Variants in RNF182 observed in about 807,000 individuals in gnomAD.
The protein encoded by RNF182 is ring finger protein 182.
Under a neutral mutation model 14.4 loss-of-function variants are expected in RNF182, and 15 were observed. The ratio of observed to expected loss-of-function variants is 1.04; its 90% CI spans 0.70 to 1.60. The LOEUF is 1.60. RNF182 is among the 40% of genes most tolerant of loss of function. The probability of loss-of-function intolerance (pLI) is 0.00; values close to 1 mark genes in which losing one functional copy is unlikely to be tolerated. For missense variants in RNF182, 268 were observed against 294.8 expected (o/e 0.91, Z 0.67); for synonymous variants, 128 against 122.9 (o/e 1.04, Z -0.27).
intron 1 of RNF182, among the ~76,000 whole-genome samples, chr6:13,964,187 G>T (rs189819384): frequency 2.0e-3 from 297 of 152,188 alleles, no homozygotes; most frequent in African/African-American, 6.1e-3. Context: ...ATAGCCAAAG[G>T]CAAAGGAAAA....
rs114305408 is a variant in RNF182, at chr6:13,956,096, T to C, written c.-366-18114T>C. 1.4e-3 allele frequency among the ~76,000 whole-genome samples: 219 copies of C among 152,330 alleles called. 1 individual carries two copies. The highest frequency in any genetic ancestry group is 5.0e-3 in the African/African-American group (209 of 41,570). On this transcript the variant is annotated intron_variant, in intron 1 of 2. Coordinates refer to ENST00000488300, the MANE Select transcript of RNF182 (RefSeq NM_152737.4). ...CTTCACATAATGTCGTTCAGACTTA[T>C]TCATATTGCTGCAGATGACAAGATT... is the stretch of plus-strand genomic sequence containing the variant.
intron 1 of RNF182, among the ~76,000 whole-genome samples, chr6:13,946,340 A>G (rs1264405326): frequency 2.0e-5 from 3 of 151,580 alleles, no homozygotes; most frequent in Admixed American, 6.6e-5. Context: ...TAATTTTTGT[A>G]TTTTAGTAGA....
At chr6:13,976,307 C>CA (rs557315067) in intron 2 of RNF182, among the ~76,000 whole-genome samples, 2 of 151,786 alleles carry the variant, frequency 1.3e-5, no homozygotes, top group South Asian at 4.2e-4. Flanking sequence ...GGTATTGAAA[C>CA]AAAAAAATTG....
Position 13,978,834 on chromosome 6 carries a change from G to T in RNF182, c.*971G>T, listed in dbSNP as rs1245352856. ...ACTGAATCTTATAACAATTCGAGGTGAACTGTGGCAATGAAAACCAGAAAC... is the reference window on the plus strand; with the variant it reads ...ACTGAATCTTATAACAATTCGAGGTTAACTGTGGCAATGAAAACCAGAAAC... On this transcript the variant is annotated 3_prime_UTR_variant, in exon 3 of 3. Transcript: ENST00000488300. 1 of 167,040 alleles carries T rather than the reference G, an allele frequency of 6.0e-6. No homozygotes were observed. Among genetic ancestry groups the T allele is most frequent in the Non-Finnish European group, 1.5e-5 (1 of 68,108 alleles). 10.3% of individuals were successfully genotyped at this position (167,040 alleles called of 1,614,324 possible).
chr6:13,954,765 G>C (rs888542074), intron 1 of RNF182, among the ~76,000 whole-genome samples: 3 of 152,114 alleles, frequency 2.0e-5, no homozygotes, highest in Admixed American at 6.6e-5. Flanking sequence ...CTCACAGTCA[G>C]AATTTTAACT....
At chr6:13,967,008 T>C (rs1760050009) in intron 1 of RNF182, among the ~76,000 whole-genome samples, 1 of 152,020 alleles carries the variant, frequency 6.6e-6, no homozygotes, top group Non-Finnish European at 1.5e-5. Flanking sequence ...GGCTAATTTT[T>C]GTATGTTTTT....
chr6:13,958,266 G>A (rs1176264981), intron 1 of RNF182, among the ~76,000 whole-genome samples: 3 of 151,990 alleles, frequency 2.0e-5, no homozygotes, highest in Non-Finnish European at 4.4e-5. Flanking sequence ...TGCGCCTGTA[G>A]TCCTAGCTAC....
chr6:13,940,504 C>G (rs964877312), intron 1 of RNF182, among the ~76,000 whole-genome samples: 4 of 152,018 alleles, frequency 2.6e-5, no homozygotes, highest in African/African-American at 7.2e-5. Context: ...CTTTTTTCCC[C>G]CCTTGATCAG....
At chr6:13,973,467 C>T (rs1223256132) in intron 1 of RNF182, among the ~76,000 whole-genome samples, 2 of 152,054 alleles carry the variant, frequency 1.3e-5, no homozygotes, top group South Asian at 2.1e-4. Flanking sequence ...CAAATCTGAC[C>T]TTATATTGTA....
intron 1 of RNF182, among the ~76,000 whole-genome samples, chr6:13,970,615 T>TCC (rs1258436607): frequency 2.6e-5 from 4 of 152,180 alleles, no homozygotes; most frequent in Admixed American, 6.5e-5. Context: ...GTAGAAGAAT[T>TCC]GCTGGGTTGT....
In RNF182 at chr6:13,950,106, T is replaced by G. The variant is rs542070691; in HGVS notation, c.-366-24104T>G. On this transcript the variant is annotated intron_variant, in intron 1 of 2. Transcript: ENST00000488300. ...TTATAAGCTTTTACAAAAAATACAT[T>G]CTACTTTTCTTACATACCTTGCTCC... Among the ~76,000 whole-genome samples, 217 of 152,338 alleles carry G rather than the reference T, an allele frequency of 1.4e-3. 2 individuals carry two copies. Among genetic ancestry groups the G allele is most frequent in the African/African-American group, 5.0e-3 (206 of 41,584 alleles).
chr6:13,962,141 A>G (rs189068350), intron 1 of RNF182, among the ~76,000 whole-genome samples: 158 of 152,340 alleles, frequency 1.0e-3, no homozygotes, highest in Non-Finnish European at 3.8e-4. Context: ...TATTGTTAGT[A>G]ATTATTAACA....
At chr6:13,932,403 T>C (rs1758995088) in intron 1 of RNF182, among the ~76,000 whole-genome samples, 1 of 152,208 alleles carries the variant, frequency 6.6e-6, no homozygotes, top group African/African-American at 2.4e-5. Context: ...TTGACTAAAC[T>C]TTAATTCAAA....
chr6:13,930,959 C>T (rs1026817773), intron 1 of RNF182, among the ~76,000 whole-genome samples: 2 of 152,180 alleles, frequency 1.3e-5, no homozygotes. Flanking sequence ...ACAAAAAATG[C>T]CTTTCTGCTG....
chr6:13,967,623 T>C (rs887917511), intron 1 of RNF182, among the ~76,000 whole-genome samples: 20 of 152,330 alleles, frequency 1.3e-4, no homozygotes, highest in African/African-American at 3.1e-4. Context: ...GATTTTCTTA[T>C]AGATTTTGTT....
chr6:13,951,707 C>T (rs1367692481), intron 1 of RNF182, among the ~76,000 whole-genome samples: 1 of 152,184 alleles, frequency 6.6e-6, no homozygotes, highest in Non-Finnish European at 1.5e-5. Context: ...TTACCTTTCT[C>T]TGAGTGGCTC....
chr6:13,980,203 T>TTTATTTTATTTTA lies in RNF182; in HGVS notation c.*2343_*2355dup, dbSNP rs1213836286. 7.5e-6 allele frequency: 1 copy of TTTATTTTATTTTA among 133,622 alleles called. No homozygotes were observed. The highest frequency in any genetic ancestry group is 3.3e-5 in the African/African-American group (1 of 30,122). 8.3% of individuals were successfully genotyped at this position (133,622 alleles called of 1,614,324 possible). ...ACTTTTAAAAGGCCTTCATAGTTTT[T>TTTATTTTATTTTA]TTATTTTATTTTATTTTATTTTATT... On this transcript the variant is annotated 3_prime_UTR_variant, in exon 3 of 3. Coordinates refer to ENST00000488300, the MANE Select transcript of RNF182 (RefSeq NM_152737.4).
rs201967624 is a variant in RNF182, at chr6:13,977,195, C to A, written c.76C>A (p.Arg26=). The change falls in exon 3 of 3, where the codon CGA becomes AGA. Residue 26 remains arginine (R), a synonymous_variant. Transcript: ENST00000488300. ...DELECKICYN[R]YNLKQRKPKV... Reference sequence around the variant, plus strand: ...GCTGGAGTGCAAAATCTGTTACAATCGATACAATCTGAAACAGAGGAAACC... The same window carrying A: ...GCTGGAGTGCAAAATCTGTTACAATAGATACAATCTGAAACAGAGGAAACC... The A allele has an allele frequency of 6.2e-7, 1 of 1,614,038 alleles. No individual in the cohort carries two copies. Among genetic ancestry groups the A allele is most frequent in the Admixed American group, 1.7e-5 (1 of 60,014 alleles).
chr6:13,929,985 G>A (rs1306442033), intron 1 of RNF182, among the ~76,000 whole-genome samples: 1 of 152,140 alleles, frequency 6.6e-6, no homozygotes, highest in Non-Finnish European at 1.5e-5. Context: ...TTATGAAAAA[G>A]ATGTTTTCCA....
Sources: allele counts gnomAD v4.1 joint callset (sites outside exome capture counted in the v4.1 genomes callset), GRCh38; gene constraint gnomAD v4.1.1; transcripts MANE v1.5; gene names NCBI Gene and HGNC (gene_info 2026-07-23, HGNC 2026-07-21).